Variants in DLG2 observed in about 807,000 individuals in gnomAD.
The protein encoded by DLG2 is discs large MAGUK scaffold protein 2, also known as disks large homolog 2.
DLG2 carries 45 observed loss-of-function variants against 132.5 expected under a neutral mutation model. The ratio of observed to expected loss-of-function variants is 0.34; its 90% CI spans 0.27 to 0.44. DLG2 has a LOEUF of 0.44. Among genes scored for constraint, DLG2 ranks in the 20% least tolerant of loss-of-function variants. DLG2 has a pLI of 1.00. For synonymous variants in DLG2, 424 were observed against 419.6 expected, an observed-to-expected ratio of 1.01 and a Z score of -0.13; for missense variants, 1,045 against 1,196.9, an observed-to-expected ratio of 0.87 and a Z score of 1.87.
intron 6 of DLG2, among the ~76,000 whole-genome samples, chr11:84,861,639 AC>A (rs66484606): frequency 0.052 from 3,198 of 61,396 alleles, 597 homozygotes; most frequent in Non-Finnish European, 0.079. Flanking sequence ...AAAAAAAAAA[AC>A]AAAAAAAAAA....
At chr11:83,639,870 G>A (rs2065963097) in intron 18 of DLG2, among the ~76,000 whole-genome samples, 2 of 152,012 alleles carry the variant, frequency 1.3e-5, no homozygotes, top group Admixed American at 1.3e-4. Flanking sequence ...GCCTTGGGAA[G>A]TTACTGAACC....
intron 14 of DLG2, among the ~76,000 whole-genome samples, chr11:83,960,799 C>T (rs1483406): frequency 0.14 from 20,612 of 151,888 alleles, 1,759 homozygotes; most frequent in African/African-American, 0.22. Flanking sequence ...CCCATGGTAA[C>T]GCCTACAGTG....
chr11:83,915,453 T>C (rs943832713), intron 15 of DLG2, among the ~76,000 whole-genome samples: 3 of 152,138 alleles, frequency 2.0e-5, no homozygotes, highest in Non-Finnish European at 2.9e-5. Context: ...ACCTACTGTA[T>C]AGATTTATTA....
intron 7 of DLG2, among the ~76,000 whole-genome samples, chr11:84,382,847 A>G (rs1404935082): frequency 1.3e-5 from 2 of 150,870 alleles, no homozygotes; most frequent in African/African-American, 4.9e-5. Context: ...TCTCCAGTCT[A>G]GGCGACAGAG....
chr11:85,129,777 T>C (rs914948284), intron 5 of DLG2, among the ~76,000 whole-genome samples: 4 of 152,154 alleles, frequency 2.6e-5, no homozygotes, highest in Admixed American at 2.0e-4. Context: ...TGCAGCACTA[T>C]TCACAATCGC....
chr11:85,446,689 T>A (rs1310380927), intron 3 of DLG2, among the ~76,000 whole-genome samples: 1 of 152,112 alleles, frequency 6.6e-6, no homozygotes, highest in East Asian at 1.9e-4. Context: ...CAACCACAGA[T>A]GCATCTTATT....
chr11:84,354,051 T>G (rs7108454), intron 7 of DLG2, among the ~76,000 whole-genome samples: 8,306 of 152,194 alleles, frequency 0.055, 749 homozygotes, highest in African/African-American at 0.19. Context: ...TGTTTCTTAC[T>G]TCATTAGCAC....
chr11:84,099,294 A>G (rs2154179274), intron 9 of DLG2, among the ~76,000 whole-genome samples: 1 of 152,312 alleles, frequency 6.6e-6, no homozygotes, highest in Admixed American at 6.5e-5. Flanking sequence ...TTATGCAGCA[A>G]TTAAAATCAC....
chr11:85,314,916 G>C (rs547954758), intron 3 of DLG2, among the ~76,000 whole-genome samples: 7 of 151,866 alleles, frequency 4.6e-5, no homozygotes, highest in Non-Finnish European at 8.8e-5. Context: ...GTGTTGTGTC[G>C]TCCAGCCCAC....
intron 2 of DLG2, among the ~76,000 whole-genome samples, chr11:85,603,873 TGCTACTGCACTCCA>T (rs1315714922): frequency 6.6e-6 from 1 of 152,286 alleles, no homozygotes; most frequent in African/African-American, 2.4e-5. Context: ...GCCACCATCC[TGCTACTGCACTCCA>T]GCCTGGGCTA....
intron 6 of DLG2, among the ~76,000 whole-genome samples, chr11:84,784,990 A>T (rs2072611263): frequency 6.6e-6 from 1 of 152,164 alleles, no homozygotes. Context: ...GGTAATGCAT[A>T]TGTTAATTAG....
At chr11:84,051,454 A>T (rs2096377735) in intron 11 of DLG2, among the ~76,000 whole-genome samples, 1 of 151,906 alleles carries the variant, frequency 6.6e-6, no homozygotes, top group African/African-American at 2.4e-5. Context: ...ATCAAAAATG[A>T]TGAGTTCATG....
intron 3 of DLG2, among the ~76,000 whole-genome samples, chr11:85,306,206 C>T (rs2079931663): frequency 6.6e-6 from 1 of 152,180 alleles, no homozygotes. Flanking sequence ...TGGTTTCAGC[C>T]TCATCTGCAA....
intron 6 of DLG2, among the ~76,000 whole-genome samples, chr11:85,045,941 C>T (rs567307301): frequency 2.0e-5 from 3 of 152,012 alleles, no homozygotes; most frequent in Admixed American, 6.6e-5. Flanking sequence ...CTGAAAAATA[C>T]GTCTCTAAAC....
chr11:85,399,380 C>A (rs1434870199), intron 3 of DLG2, among the ~76,000 whole-genome samples: 2 of 152,058 alleles, frequency 1.3e-5, no homozygotes, highest in Non-Finnish European at 2.9e-5. Context: ...GATTCAATGC[C>A]ATCCCCATCA....
chr11:84,464,518 T>A (rs915124899), intron 7 of DLG2, among the ~76,000 whole-genome samples: 6 of 151,198 alleles, frequency 4.0e-5, no homozygotes, highest in African/African-American at 1.5e-4. Context: ...GCTTAAATGG[T>A]TCTATGATTT....
chr11:84,729,705 G>A (rs543634665), intron 6 of DLG2, among the ~76,000 whole-genome samples: 6 of 152,074 alleles, frequency 3.9e-5, no homozygotes, highest in Middle Eastern at 3.4e-3. Context: ...GCATGACCTT[G>A]ACTTGAAATA....
At chr11:83,705,620 GT>G (rs1231868916) in intron 18 of DLG2, among the ~76,000 whole-genome samples, 1 of 151,994 alleles carries the variant, frequency 6.6e-6, no homozygotes, top group Non-Finnish European at 1.5e-5. Flanking sequence ...TACTTTCCAT[GT>G]TGCTAACATT....
intron 3 of DLG2, among the ~76,000 whole-genome samples, chr11:85,389,538 T>C (rs1433765595): frequency 6.6e-6 from 1 of 152,056 alleles, no homozygotes; most frequent in Non-Finnish European, 1.5e-5. Flanking sequence ...AAAAAGAGCA[T>C]CACACAGGCA....
Sources: allele counts gnomAD v4.1 joint callset (sites outside exome capture counted in the v4.1 genomes callset), GRCh38; gene constraint gnomAD v4.1.1; transcripts MANE v1.5; gene names NCBI Gene and HGNC (gene_info 2026-07-23, HGNC 2026-07-21).